MTG1: variants seen among roughly 807,000 people sequenced by gnomAD.
The protein encoded by MTG1 is mitochondrial ribosome associated GTPase 1.
In MTG1, 30 loss-of-function variants were observed where a neutral mutation model predicts 39.5. The ratio of observed to expected loss-of-function variants is 0.76; its 90% CI spans 0.57 to 1.03. The LOEUF (loss-of-function observed/expected upper bound fraction) is 1.03, where lower values mean the gene tolerates loss of function less well. Ranked by LOEUF, MTG1 falls within the 50% of genes least tolerant of loss-of-function variation. MTG1 has a pLI of 0.00. For synonymous variants in MTG1, 217 were observed against 179.0 expected, an observed-to-expected ratio of 1.21 and a Z score of -1.69; for missense variants, 513 against 447.4, an observed-to-expected ratio of 1.15 and a Z score of -1.32.
At chr10:133,400,699 CACT>C (rs1336564000) in intron 6 of MTG1, among the ~76,000 whole-genome samples, 1 of 152,136 alleles carries the variant, frequency 6.6e-6, no homozygotes, top group Non-Finnish European at 1.5e-5. Context: ...CAGCCAGCAC[CACT>C]ATTTTCAAAT....
chr10:133,395,012 T>G (rs1849759714), intron 1 of MTG1, among the ~76,000 whole-genome samples: 1 of 152,108 alleles, frequency 6.6e-6, no homozygotes, highest in Admixed American at 6.6e-5. Flanking sequence ...TTGTGTGTGG[T>G]ATTCCTGGTT....
chr10:133,419,348 G>A lies in MTG1; in HGVS notation c.753-132G>A, dbSNP rs530085065. Reference sequence around the variant, plus strand: ...CAGTCTCATCTTGGTCATCCACAGCGCCGCAGTCACTGTCACCCACAGGAG... The same window carrying A: ...CAGTCTCATCTTGGTCATCCACAGCACCGCAGTCACTGTCACCCACAGGAG... On this transcript the variant is annotated intron_variant, in intron 9 of 10. Coordinates refer to ENST00000317502, the MANE Select transcript of MTG1 (RefSeq NM_138384.4). 3.0e-4 allele frequency: 196 copies of A among 654,174 alleles called. 1 individual carries two copies. In the East Asian group the frequency reaches 4.0e-3, roughly 13 times the overall value. 40.5% of individuals were successfully genotyped at this position (654,174 alleles called of 1,614,324 possible).
At chr10:133,394,899 G>C in intron 1 of MTG1, 1 of 225,958 alleles carries the variant, frequency 4.4e-6, no homozygotes, top group Non-Finnish European at 7.4e-6. Context: ...CGCGTGTACT[G>C]GGGGCCGAGG....
chr10:133,406,770 G>T (rs1167249017), intron 9 of MTG1, among the ~76,000 whole-genome samples: 1 of 146,394 alleles, frequency 6.8e-6, no homozygotes. Context: ...GGTTCAAGCA[G>T]TTCTCTGCCT....
chr10:133,395,502 C>T (rs1411896939), intron 1 of MTG1, among the ~76,000 whole-genome samples: 1 of 152,220 alleles, frequency 6.6e-6, no homozygotes, highest in African/African-American at 2.4e-5. Context: ...CACCCTGTGG[C>T]AGGGTGCCTC....
At chr10:133,396,961 C>G (rs954796216) in intron 3 of MTG1, among the ~76,000 whole-genome samples, 6 of 152,154 alleles carry the variant, frequency 3.9e-5, no homozygotes, top group African/African-American at 9.7e-5. Flanking sequence ...ACTTAGCAGA[C>G]CGGGAAAGGG....
intron 9 of MTG1, among the ~76,000 whole-genome samples, chr10:133,405,546 G>T (rs1272401968): frequency 1.3e-5 from 2 of 152,150 alleles, no homozygotes; most frequent in African/African-American, 4.8e-5. Context: ...CTGTCTTAAT[G>T]AAGTCCACGT....
At chr10:133,418,457 C>T (rs1850169092) in intron 9 of MTG1, among the ~76,000 whole-genome samples, 1 of 151,752 alleles carries the variant, frequency 6.6e-6, no homozygotes, top group Non-Finnish European at 1.5e-5. Context: ...CGGGGGTGGT[C>T]CGGGGCGCCT....
intron 6 of MTG1, among the ~76,000 whole-genome samples, chr10:133,400,590 G>A (rs1175883260): frequency 6.6e-6 from 1 of 152,174 alleles, no homozygotes; most frequent in East Asian, 1.9e-4. Context: ...GGTGTTTTTG[G>A]TGCTAATTGG....
At chr10:133,398,410 C>A (rs375884870) in intron 3 of MTG1, 25 bp from the exon 4 acceptor site, 1 of 1,607,058 alleles carries the variant, frequency 6.2e-7, no homozygotes, top group African/African-American at 1.3e-5. Flanking sequence ...AAAAAAGTAA[C>A]ATAGAAATGT....
Position 133,402,919 on chromosome 10 carries a change from A to G in MTG1, c.752+146A>G. 1.6e-6 allele frequency: 1 copy of G among 633,918 alleles called. No individual in the cohort carries two copies. The highest frequency in any genetic ancestry group is 2.7e-6 in the Non-Finnish European group (1 of 369,326). 39.3% of individuals were successfully genotyped at this position (633,918 alleles called of 1,614,324 possible). A position where few individuals can be genotyped will look rare whatever the true frequency, so the allele number is the denominator to read the frequency against. On this transcript the variant is annotated intron_variant, in intron 9 of 10. Transcript: ENST00000317502. The surrounding 1 kb of genome is among the most constrained non-coding windows in gnomAD (Gnocchi z 4.7). ...ATCGTTTAAAGCGTCCAGTTGGACA[A>G]GTTCGGGAGTATGGCTATACGTCTG...
chr10:133,402,121 C>A lies in MTG1; in HGVS notation c.574-28C>A. On this transcript the variant is annotated intron_variant, in intron 7 of 10. Transcript: ENST00000317502. This position sits in a 1 kb window ranked among gnomAD's most constrained non-coding sequence, Gnocchi z 4.7. ...CCTGGGTGGGAGGCTGCCACCGCGGCCTGATCATGCCCTCTGTGCCCACAC... is the reference window on the plus strand; with the variant it reads ...CCTGGGTGGGAGGCTGCCACCGCGGACTGATCATGCCCTCTGTGCCCACAC... The A allele has an allele frequency of 1.2e-6, 2 of 1,613,662 alleles. No homozygotes were observed. Among genetic ancestry groups the A allele is most frequent in the Non-Finnish European group, 1.7e-6 (2 of 1,179,886 alleles).
intron 3 of MTG1, among the ~76,000 whole-genome samples, chr10:133,397,680 G>A (rs1369541500): frequency 1.3e-5 from 2 of 151,508 alleles, no homozygotes; most frequent in South Asian, 2.1e-4. Context: ...GGGTTTCACT[G>A]TGTTAGCCAG....
At chr10:133,405,435 T>C (rs1849956032) in intron 9 of MTG1, among the ~76,000 whole-genome samples, 1 of 152,260 alleles carries the variant, frequency 6.6e-6, no homozygotes, top group Non-Finnish European at 1.5e-5. Flanking sequence ...TGAAATATCC[T>C]GTAGATTCCT....
rs1464337868 is a variant in MTG1 at position 133,421,084 on chromosome 10, TC to T, written c.*920del. ...ATCCTGTGCAGAAGCTCCGGCTGCC[TC>T]TTTGCGGTGGTGGCCTGACCGTCCC... On this transcript the variant is annotated 3_prime_UTR_variant, in exon 11 of 11. Transcript: ENST00000317502. The T allele has an allele frequency of 6.6e-6, 1 of 152,298 alleles. No individual in the cohort carries two copies. The highest frequency in any genetic ancestry group is 1.5e-5 in the Non-Finnish European group (1 of 68,124). The allele number at this position is 152,298 out of a possible 1,614,324, so 9.4% of individuals were successfully genotyped here.
chr10:133,408,730 T>G lies in MTG1; in HGVS notation c.752+5957T>G, dbSNP rs116893856. On this transcript the variant is annotated intron_variant, in intron 9 of 10. Coordinates refer to ENST00000317502, the MANE Select transcript of MTG1 (RefSeq NM_138384.4). ...TTACTGCTTTGATCTTGTTACTTATTATCGATCTGTTCAAGTTTTTCCATT... is the reference window on the plus strand; with the variant it reads ...TTACTGCTTTGATCTTGTTACTTATGATCGATCTGTTCAAGTTTTTCCATT... 6.2e-3 allele frequency among the ~76,000 whole-genome samples: 944 copies of G among 152,352 alleles called. 6 individuals carry two copies. The highest frequency in any genetic ancestry group is 0.05 in the East Asian group (257 of 5,186).
At position 133,395,782 on chromosome 10, in the gene MTG1, C is replaced by T; in HGVS notation, c.177+5C>T. On this transcript the variant is annotated splice_donor_5th_base_variant and intron_variant, in intron 2 of 10. Coordinates refer to ENST00000317502, the MANE Select transcript of MTG1 (RefSeq NM_138384.4). The stretch of plus-strand genomic sequence containing the variant: ...ATCGAGGTCCACGATGCCCGGATAT[C>T]CTTTCACAGAGCAGGGGAGGCCCCT... The T allele has an allele frequency of 6.2e-7, 1 of 1,613,840 alleles. No individual in the cohort carries two copies.
chr10:133,417,062 C>G (rs1170832495), intron 9 of MTG1, among the ~76,000 whole-genome samples: 1 of 151,170 alleles, frequency 6.6e-6, no homozygotes, highest in Non-Finnish European at 1.5e-5. Context: ...CTCTCCAGCA[C>G]CTGTTGTTTC....
intron 9 of MTG1, among the ~76,000 whole-genome samples, chr10:133,417,980 C>G (rs1266666207): frequency 6.6e-6 from 1 of 152,200 alleles, no homozygotes; most frequent in East Asian, 1.9e-4. Context: ...ATGCCATCCC[C>G]ATCAAGCTAC....
Sources: allele counts gnomAD v4.1 joint callset (sites outside exome capture counted in the v4.1 genomes callset), GRCh38; gene constraint gnomAD v4.1.1; non-coding constraint Gnocchi (gnomAD v3.1); transcripts MANE v1.5; gene names NCBI Gene and HGNC (gene_info 2026-07-23, HGNC 2026-07-21).